The following ZNHIT6 variants were observed in gnomAD, a reference collection of about 807,000 sequenced individuals.
ZNHIT6 encodes the protein box C/D snoRNA protein 1.
ZNHIT6 carries 45 observed loss-of-function variants against 57.2 expected under a neutral mutation model. The observed-to-expected ratio is 0.79, with a 90% CI of 0.62 to 1.01. ZNHIT6 has a LOEUF of 1.01. ZNHIT6 is among the 50% of genes least tolerant of loss of function. The pLI is 0.00. For missense variants in ZNHIT6, 528 were observed against 567.3 expected (o/e 0.93, Z 0.70); for synonymous variants, 188 against 190.0 (o/e 0.99, Z 0.09).
Position 85,654,111 on chromosome 1 carries a change from A to T in ZNHIT6, c.1373-13T>A. The T allele has an allele frequency of 6.2e-7, 1 of 1,609,284 alleles. No individual in the cohort carries two copies. Among genetic ancestry groups the T allele is most frequent in the Non-Finnish European group, 8.5e-7 (1 of 1,177,466 alleles). On this transcript the variant is annotated splice_polypyrimidine_tract_variant and intron_variant, in intron 9 of 9. Transcript: ENST00000370574. ...GATTCACTCTTCACTAGAAAAAAAT[A>T]AGTAAACATACAGTCAAGTGTTTAT... is the stretch of plus-strand genomic sequence containing the variant.
chr1:85,651,897 G>A lies in ZNHIT6; in HGVS notation c.*2161C>T, dbSNP rs1162976474. The A allele has an allele frequency of 1.3e-5, 2 of 152,064 alleles. No homozygotes were observed. The highest frequency in any genetic ancestry group is 4.8e-5 in the African/African-American group (2 of 41,402). The allele number at this position is 152,064 out of a possible 1,614,324, so 9.4% of individuals were successfully genotyped here. A position where few individuals can be genotyped will look rare whatever the true frequency, so the allele number is the denominator to read the frequency against. On this transcript the variant is annotated 3_prime_UTR_variant, in exon 10 of 10. Coordinates refer to ENST00000370574, the MANE Select transcript of ZNHIT6 (RefSeq NM_017953.4). Reference sequence around the variant, plus strand: ...CCATTGGTAATTCACTAAAACACACGTGTATTGTAAATCTTACGGGAAAAA... The same window carrying A: ...CCATTGGTAATTCACTAAAACACACATGTATTGTAAATCTTACGGGAAAAA...
intron 8 of ZNHIT6, among the ~76,000 whole-genome samples, chr1:85,663,447 A>G (rs1234939861): frequency 6.6e-6 from 1 of 152,202 alleles, no homozygotes; most frequent in Admixed American, 6.5e-5. Flanking sequence ...GACATAGTAC[A>G]TACTTTATTA....
chr1:85,663,797 A>G (rs186878221), intron 8 of ZNHIT6, among the ~76,000 whole-genome samples: 117 of 152,328 alleles, frequency 7.7e-4, no homozygotes, highest in African/African-American at 2.3e-3. Context: ...CCTTTGCTTA[A>G]GAAACTTAGT....
At chr1:85,664,736 A>G (rs923397602) in intron 8 of ZNHIT6, among the ~76,000 whole-genome samples, 3 of 152,086 alleles carry the variant, frequency 2.0e-5, no homozygotes, top group African/African-American at 7.2e-5. Flanking sequence ...GATTTTACCC[A>G]TATTACAAAT....
intron 4 of ZNHIT6, 52 bp downstream of exon 4, chr1:85,706,026 T>A: frequency 1.5e-6 from 2 of 1,323,472 alleles, no homozygotes; most frequent in Non-Finnish European, 2.1e-6. Context: ...AAAAAAAGAA[T>A]CTAATTGATT....
At chr1:85,677,981 T>C (rs906926325) in intron 7 of ZNHIT6, among the ~76,000 whole-genome samples, 4 of 151,792 alleles carry the variant, frequency 2.6e-5, no homozygotes, top group Non-Finnish European at 5.9e-5. Context: ...ATATATGCTA[T>C]TTCTTTTAAG....
chr1:85,695,649 G>GA (rs1282975470), intron 5 of ZNHIT6, among the ~76,000 whole-genome samples: 2 of 152,210 alleles, frequency 1.3e-5, no homozygotes, highest in African/African-American at 4.8e-5. Context: ...TGCCCTTAAA[G>GA]AAAGTTCAGC....
At chr1:85,702,424 G>A (rs1387020055) in intron 4 of ZNHIT6, among the ~76,000 whole-genome samples, 164 bp from the exon 5 acceptor site, 1 of 152,130 alleles carries the variant, frequency 6.6e-6, no homozygotes, top group Non-Finnish European at 1.5e-5. Flanking sequence ...TATGAGAATA[G>A]GTACTATCAT....
At chr1:85,701,705 C>A (rs1187487927) in intron 5 of ZNHIT6, among the ~76,000 whole-genome samples, 1 of 152,136 alleles carries the variant, frequency 6.6e-6, no homozygotes, top group African/African-American at 2.4e-5. Context: ...GAAATACTTT[C>A]TTGGTATCTT....
At chr1:85,676,336 CAAAAAAA>C (rs754000429) in intron 8 of ZNHIT6, among the ~76,000 whole-genome samples, 1 of 54,428 alleles carries the variant, frequency 1.8e-5, no homozygotes, top group Admixed American at 1.6e-4. Flanking sequence ...AACTCCGTCT[CAAAAAAA>C]AAAAAAAAAA....
intron 4 of ZNHIT6, among the ~76,000 whole-genome samples, chr1:85,702,469 A>G (rs201901305): frequency 6.6e-6 from 1 of 152,196 alleles, no homozygotes; most frequent in East Asian, 1.9e-4. Flanking sequence ...TGAGATCCCA[A>G]CATCATACAG....
intron 6 of ZNHIT6, 84 bp from the exon 7 acceptor site, chr1:85,678,865 G>A (rs1661782441): frequency 2.6e-6 from 2 of 758,550 alleles, no homozygotes; most frequent in Non-Finnish European, 4.0e-6. Flanking sequence ...ATTAAATATT[G>A]TGGCTTTTTT....
At chr1:85,687,915 C>T (rs1260281375) in intron 5 of ZNHIT6, among the ~76,000 whole-genome samples, 5 of 151,550 alleles carry the variant, frequency 3.3e-5, no homozygotes, top group African/African-American at 7.3e-5. Context: ...TGGTGGCGTG[C>T]GCCTGTAGTC....
At chr1:85,669,584 T>C (rs913896440) in intron 8 of ZNHIT6, among the ~76,000 whole-genome samples, 16 of 152,168 alleles carry the variant, frequency 1.1e-4, no homozygotes, top group Admixed American at 2.6e-4. Flanking sequence ...GCATGAACAG[T>C]AAAAATTTTT....
chr1:85,708,395 A>T lies in ZNHIT6; in HGVS notation c.-111T>A, dbSNP rs1156312618. On this transcript the variant is annotated 5_prime_UTR_variant, in exon 1 of 10. Transcript: ENST00000370574. The stretch of plus-strand genomic sequence containing the variant: ...CCTACGGCGGCCCACGTGTGGAGCC[A>T]AGCAGCCACAAACCCGGAATAGCCT... 2.2e-6 allele frequency: 3 copies of T among 1,364,986 alleles called. No individual in the cohort carries two copies. In the East Asian group the frequency reaches 7.2e-5, roughly 33 times the overall value. The allele number at this position is 1,364,986 out of a possible 1,614,324, so 84.6% of individuals were successfully genotyped here.
In ZNHIT6 at chr1:85,649,525, G is replaced by A. The variant is rs1660846837; in HGVS notation, c.*4533C>T. 1.3e-5 allele frequency: 2 copies of A among 152,280 alleles called. No homozygotes were observed. Among genetic ancestry groups the A allele is most frequent in the African/African-American group, 2.4e-5 (1 of 41,552 alleles). 9.4% of individuals were successfully genotyped at this position (152,280 alleles called of 1,614,324 possible). On this transcript the variant is annotated 3_prime_UTR_variant, in exon 10 of 10. Coordinates refer to ENST00000370574, the MANE Select transcript of ZNHIT6 (RefSeq NM_017953.4). ...TGCATTTGGTTCTAAAGTTCAAAAT[G>A]AGTACAGTACATCACACTCCAGTAT...
intron 8 of ZNHIT6, among the ~76,000 whole-genome samples, chr1:85,668,009 C>G (rs1344313926): frequency 1.8e-5 from 2 of 110,558 alleles, no homozygotes; most frequent in East Asian, 5.5e-4. Flanking sequence ...AGTTAGAAAT[C>G]TTACTTGTTC....
chr1:85,665,518 CT>C (rs35244572), intron 8 of ZNHIT6, among the ~76,000 whole-genome samples: 2 of 151,852 alleles, frequency 1.3e-5, no homozygotes, highest in African/African-American at 4.8e-5. Flanking sequence ...GCATTTTTTT[CT>C]TTTTTCTTGT....
intron 5 of ZNHIT6, among the ~76,000 whole-genome samples, chr1:85,700,119 A>T (rs1662486518): frequency 1.3e-5 from 2 of 152,214 alleles, no homozygotes; most frequent in Non-Finnish European, 2.9e-5. Flanking sequence ...ATTAGTGGTC[A>T]ACTCTAGATA....
Sources: gnomAD v4.1 joint callset for allele counts (sites outside exome capture counted in the v4.1 genomes callset) on GRCh38, gnomAD v4.1.1 for gene constraint, MANE v1.5 for transcripts, NCBI Gene and HGNC (gene_info 2026-07-23, HGNC 2026-07-21) for gene names.